INO80D: variants seen among roughly 807,000 people sequenced by gnomAD.
INO80D encodes the protein INO80 complex subunit D.
INO80D carries 21 observed loss-of-function variants against 87.6 expected under a neutral mutation model. The observed-to-expected ratio is 0.24, with a 90% CI of 0.17 to 0.35. INO80D has a LOEUF of 0.35. INO80D is among the 10% of genes least tolerant of loss of function. The pLI, the probability that INO80D is intolerant of heterozygous loss-of-function variation, is 1.00. For missense variants in INO80D, 982 were observed against 1,280.7 expected, an observed-to-expected ratio of 0.77 and a Z score of 3.56; for synonymous variants, 440 against 491.0, an observed-to-expected ratio of 0.90 and a Z score of 1.37.
intron 1 of INO80D, among the ~76,000 whole-genome samples, chr2:206,068,291 G>C (rs115704472): frequency 0.01 from 1,524 of 152,148 alleles, 23 homozygotes; most frequent in African/African-American, 0.035. Context: ...GTAGAGACTG[G>C]GTCTTGCTGT....
rs1211961420 is a variant in INO80D, at chr2:205,993,816, C to T, written c.*10552G>A. ...GATAATACATACAGTGTTTCATACA[C>T]ATATTACATCAGTTTTTACACAAGA... On this transcript the variant is annotated 3_prime_UTR_variant, in exon 11 of 11. Transcript: ENST00000403263. 6.6e-6 allele frequency: 1 copy of T among 152,124 alleles called. No homozygotes were observed. The highest frequency in any genetic ancestry group is 1.5e-5 in the Non-Finnish European group (1 of 68,022). 9.4% of individuals were successfully genotyped at this position (152,124 alleles called of 1,614,324 possible). A position where few individuals can be genotyped will look rare whatever the true frequency, so the allele number is the denominator to read the frequency against.
intron 8 of INO80D, 82 bp from the exon 9 acceptor site, chr2:206,009,876 TA>T (rs1688124411): frequency 9.1e-7 from 1 of 1,098,870 alleles, no homozygotes; most frequent in Admixed American, 2.5e-5. Flanking sequence ...TTACATCCCT[TA>T]ATATTCTATA....
chr2:206,028,170 T>C lies in INO80D; in HGVS notation c.1239A>G (p.Glu413=). The C allele has an allele frequency of 6.3e-7, 1 of 1,585,580 alleles. No homozygotes were observed. Among genetic ancestry groups the C allele is most frequent in the Non-Finnish European group, 8.6e-7 (1 of 1,166,156 alleles). ...RKALLQAASK[E]PECTGQLIQE... is the part of the protein sequence containing the mutation. ...GTATTAACTGACCAGTGCATTCTGGTTCTTTACTGGCCGCCTGCAGCAAAG... is the reference window on the plus strand; with the variant it reads ...GTATTAACTGACCAGTGCATTCTGGCTCTTTACTGGCCGCCTGCAGCAAAG... Residue 413 remains glutamate (E), a synonymous_variant, in exon 6 of 11, where the codon GAA becomes GAG. Coordinates refer to ENST00000403263, the MANE Select transcript of INO80D (RefSeq NM_017759.5).
intron 1 of INO80D, among the ~76,000 whole-genome samples, chr2:206,071,838 T>C (rs1198529617): frequency 6.6e-6 from 1 of 152,020 alleles, no homozygotes; most frequent in African/African-American, 2.4e-5. Context: ...TCACTTTCCC[T>C]TGAGGCTTGA....
At chr2:206,040,677 G>A (rs896721746) in intron 5 of INO80D, 4 of 227,398 alleles carry the variant, frequency 1.8e-5, no homozygotes, top group African/African-American at 4.7e-5. Context: ...ATCATCTTAC[G>A]CCTACAGTGC....
intron 4 of INO80D, among the ~76,000 whole-genome samples, chr2:206,047,996 A>G (rs371088295): frequency 3.3e-5 from 5 of 149,476 alleles, no homozygotes; most frequent in South Asian, 4.2e-4. Flanking sequence ...GACTACAGGC[A>G]CCCGCCACCG....
Position 205,996,967 on chromosome 2 carries a change from T to C in INO80D, c.*7401A>G, listed in dbSNP as rs1025307718. Reference sequence around the variant, plus strand: ...ATGAAACCAGGAGATGCTGCAAAAATACAACTGTAGAAAAGAACAGCATAT... The same window carrying C: ...ATGAAACCAGGAGATGCTGCAAAAACACAACTGTAGAAAAGAACAGCATAT... On this transcript the variant is annotated 3_prime_UTR_variant, in exon 11 of 11. Transcript: ENST00000403263. 4 of 151,856 alleles carry C rather than the reference T, an allele frequency of 2.6e-5. No homozygotes were observed. The highest frequency in any genetic ancestry group is 5.9e-5 in the Non-Finnish European group (4 of 67,898). 9.4% of individuals were successfully genotyped at this position (151,856 alleles called of 1,614,324 possible). A position where few individuals can be genotyped will look rare whatever the true frequency, so the allele number is the denominator to read the frequency against.
At chr2:206,028,747 G>C (rs1688683748) in intron 5 of INO80D, among the ~76,000 whole-genome samples, 1 of 152,042 alleles carries the variant, frequency 6.6e-6, no homozygotes, top group African/African-American at 2.4e-5. Flanking sequence ...CCAGAAATAG[G>C]GCAGCGAATT....
intron 3 of INO80D, among the ~76,000 whole-genome samples, chr2:206,059,016 G>A (rs368140060): frequency 1.3e-5 from 2 of 150,868 alleles, no homozygotes; most frequent in African/African-American, 2.4e-5. Context: ...CTTGAGGCCA[G>A]GAGTTCAAGA....
In INO80D at chr2:206,004,524, G is replaced by A. The variant is rs1300554779; in HGVS notation, c.2928C>T (p.Ser976=). 2.5e-6 allele frequency: 4 copies of A among 1,610,674 alleles called. No homozygotes were observed. Among genetic ancestry groups the A allele is most frequent in the East Asian group, 2.2e-5 (1 of 44,752 alleles). ...TSPKQQLPQF[S]AAFGHQLSSH... is the part of the protein sequence containing the mutation. ...AACTCAGCTGGTGGCCAAAGGCTGCGCTGAACTGAGGGAGTTGCTGCTTGG... is the reference window on the plus strand; with the variant it reads ...AACTCAGCTGGTGGCCAAAGGCTGCACTGAACTGAGGGAGTTGCTGCTTGG... The change falls in exon 11 of 11, where the codon AGC becomes AGT. Residue 976 remains serine (S), a synonymous_variant. Transcript: ENST00000403263. The surrounding 1 kb of genome is among the most constrained non-coding windows in gnomAD (Gnocchi z 4.9).
intron 5 of INO80D, among the ~76,000 whole-genome samples, chr2:206,040,013 C>T (rs1385282755): frequency 6.6e-6 from 1 of 151,726 alleles, no homozygotes; most frequent in Non-Finnish European, 1.5e-5. Flanking sequence ...AAGCCCAGGC[C>T]CAGGCGCGGT....
At chr2:206,009,280 C>G (rs1688107003) in intron 9 of INO80D, among the ~76,000 whole-genome samples, 1 of 152,084 alleles carries the variant, frequency 6.6e-6, no homozygotes, top group African/African-American at 2.4e-5. Context: ...TGCACTTGGC[C>G]TGGGAGACAG....
In INO80D at chr2:206,086,031, G is replaced by A. The variant is rs1013749536; in HGVS notation, c.-254C>T. 3 of 152,294 alleles carry A rather than the reference G, an allele frequency of 2.0e-5. No individual in the cohort carries two copies. The highest frequency in any genetic ancestry group is 4.8e-5 in the African/African-American group (2 of 41,450). 9.4% of individuals were successfully genotyped at this position (152,294 alleles called of 1,614,324 possible). On this transcript the variant is annotated 5_prime_UTR_variant, in exon 1 of 11. Transcript: ENST00000403263. Reference sequence around the variant, plus strand: ...CTACTGCTCCCCCCTGGGCTCCGGCGAGAGCCTTTCCCTGTCAAGCAAGAG... The same window carrying A: ...CTACTGCTCCCCCCTGGGCTCCGGCAAGAGCCTTTCCCTGTCAAGCAAGAG...
chr2:206,011,876 A>C (rs1328271721), intron 8 of INO80D, among the ~76,000 whole-genome samples: 5 of 152,234 alleles, frequency 3.3e-5, no homozygotes, highest in Non-Finnish European at 7.3e-5. Context: ...AGGCAGACAA[A>C]TGTTAGGAAG....
At chr2:206,025,569 A>ATATATATATATATATAT (rs1559439742) in intron 6 of INO80D, 4 of 120,874 alleles carry the variant, frequency 3.3e-5, no homozygotes, top group African/African-American at 1.1e-4. Flanking sequence ...ATATATATAT[A>ATATATATATATATATAT]AAATAACTAA....
chr2:206,045,631 A>G (rs1284761077), intron 5 of INO80D, among the ~76,000 whole-genome samples: 1 of 152,144 alleles, frequency 6.6e-6, no homozygotes, highest in East Asian at 1.9e-4. Flanking sequence ...TAACATGGGG[A>G]AAAAAACTGA....
At chr2:206,040,948 G>A (rs1231666169) in intron 5 of INO80D, 1 of 153,844 alleles carries the variant, frequency 6.5e-6, no homozygotes, top group Non-Finnish European at 1.4e-5. Context: ...AGCAGACACT[G>A]TCAGAGTAGA....
chr2:206,024,740 A>G (rs1250700670), intron 6 of INO80D, among the ~76,000 whole-genome samples: 2 of 152,132 alleles, frequency 1.3e-5, no homozygotes, highest in African/African-American at 4.8e-5. Context: ...ATATTTTAAC[A>G]CTTTGTTTTA....
chr2:206,043,946 C>T (rs1252980154), intron 5 of INO80D, among the ~76,000 whole-genome samples: 1 of 152,140 alleles, frequency 6.6e-6, no homozygotes, highest in Non-Finnish European at 1.5e-5. Context: ...AATCCTGACA[C>T]TTTGGGAGGC....
Sources: gnomAD v4.1 joint callset for allele counts (sites outside exome capture counted in the v4.1 genomes callset) on GRCh38, gnomAD v4.1.1 for gene constraint, Gnocchi (gnomAD v3.1) non-coding constraint, MANE v1.5 for transcripts, NCBI Gene and HGNC (gene_info 2026-07-23, HGNC 2026-07-21) for gene names.